Variants in MYLK observed in about 807,000 individuals in gnomAD.
MYLK encodes myosin light chain kinase.
A neutral mutation model predicts 203.4 loss-of-function variants in MYLK; 106 were observed. The ratio of observed to expected loss-of-function variants is 0.52; its 90% CI spans 0.45 to 0.61. The LOEUF (loss-of-function observed/expected upper bound fraction) is 0.61. MYLK is among the 20% of genes least tolerant of loss of function. The pLI is 0.00. For synonymous variants in MYLK, 867 were observed against 959.5 expected (o/e 0.90, Z 1.78); for missense variants, 2,072 against 2,442.3 (o/e 0.85, Z 3.20).
chr3:123,814,360 T>C (rs558863091), intron 3 of MYLK, among the ~76,000 whole-genome samples: 1 of 152,298 alleles, frequency 6.6e-6, no homozygotes, highest in South Asian at 2.1e-4. Context: ...CCTTACTCCT[T>C]TGCTAGACAG....
intron 3 of MYLK, among the ~76,000 whole-genome samples, chr3:123,803,864 C>T (rs1421363430): frequency 2.0e-4 from 30 of 152,370 alleles, no homozygotes; most frequent in South Asian, 4.1e-4. Context: ...AGCTCCTCTG[C>T]TTCTGGCCAG....
chr3:123,870,289 C>A (rs926214885), intron 2 of MYLK, among the ~76,000 whole-genome samples: 1 of 152,226 alleles, frequency 6.6e-6, no homozygotes, highest in Non-Finnish European at 1.5e-5. Context: ...CAGCCTGGGG[C>A]CTGCAGTGAC....
Position 123,707,753 on chromosome 3 carries a change from C to T in MYLK, c.2390+1G>A, listed in dbSNP as rs762794821. ...GAGGCTGGCTGGACATGCAGACTCA[C>T]TTGAGCAGGATCTCATACTGGCCGG... On this transcript the variant is annotated splice_donor_variant, in intron 16 of 33. Coordinates refer to ENST00000360304, the MANE Select transcript of MYLK (RefSeq NM_053025.4). LOFTEE classifies it high-confidence loss of function. The T allele has an allele frequency of 9.3e-6, 15 of 1,614,206 alleles. No homozygotes were observed. In the South Asian group the frequency reaches 1.6e-4, roughly 18 times the overall value.
At chr3:123,798,688 G>A (rs1418103031) in intron 3 of MYLK, among the ~76,000 whole-genome samples, 1 of 152,066 alleles carries the variant, frequency 6.6e-6, no homozygotes, top group African/African-American at 2.4e-5. Context: ...AATACAGCAA[G>A]GGAACATCTA....
At chr3:123,827,774 C>A (rs2066181098) in intron 3 of MYLK, among the ~76,000 whole-genome samples, 2 of 105,336 alleles carry the variant, frequency 1.9e-5, no homozygotes, top group African/African-American at 3.5e-5. Flanking sequence ...AAACTTAGAA[C>A]TGATAAACAA....
intron 9 of MYLK, chr3:123,734,469 T>C: frequency 2.3e-6 from 1 of 436,732 alleles, no homozygotes; most frequent in Non-Finnish European, 4.0e-6. Flanking sequence ...TCCCTACAGT[T>C]CCCTTCTCTA....
intron 2 of MYLK, among the ~76,000 whole-genome samples, chr3:123,862,617 C>T (rs2032016520): frequency 6.6e-6 from 1 of 152,186 alleles, no homozygotes. Context: ...CTTTATGACT[C>T]TTGCTCATGT....
chr3:123,766,246 A>G (rs950303062), intron 4 of MYLK, among the ~76,000 whole-genome samples: 14 of 152,224 alleles, frequency 9.2e-5, no homozygotes, highest in African/African-American at 3.4e-4. Context: ...AAAATTTCCA[A>G]TGAGTTCTCA....
intron 4 of MYLK, among the ~76,000 whole-genome samples, chr3:123,772,330 T>C (rs931044703): frequency 6.6e-6 from 1 of 152,076 alleles, no homozygotes; most frequent in Non-Finnish European, 1.5e-5. Flanking sequence ...TACATAAGAC[T>C]TTAGTATACA....
intron 19 of MYLK, among the ~76,000 whole-genome samples, chr3:123,687,430 C>T (rs746216994): frequency 5.9e-5 from 9 of 152,116 alleles, no homozygotes; most frequent in Non-Finnish European, 1.0e-4. Flanking sequence ...GAGCAGGTGA[C>T]TCAGTCTCTG....
At chr3:123,777,670 G>A (rs1401899720) in intron 4 of MYLK, among the ~76,000 whole-genome samples, 2 of 152,230 alleles carry the variant, frequency 1.3e-5, no homozygotes, top group Non-Finnish European at 1.5e-5. Context: ...TGGGCTGAGG[G>A]TGTGGAGCAG....
At chr3:123,665,062 T>C (rs1252694362) in intron 22 of MYLK, among the ~76,000 whole-genome samples, 2 of 152,218 alleles carry the variant, frequency 1.3e-5, no homozygotes, top group African/African-American at 4.8e-5. Flanking sequence ...TGCACAACCT[T>C]GTGAATCTAC....
At chr3:123,641,517 G>GCAC (rs2058831895) in intron 27 of MYLK, among the ~76,000 whole-genome samples, 1 of 151,474 alleles carries the variant, frequency 6.6e-6, no homozygotes, top group Non-Finnish European at 1.5e-5. Context: ...AAGCCTGGGT[G>GCAC]ACAGAGCAAG....
intron 16 of MYLK, among the ~76,000 whole-genome samples, chr3:123,703,359 C>T (rs568560752): frequency 6.5e-4 from 99 of 152,296 alleles, no homozygotes; most frequent in African/African-American, 2.3e-3. Flanking sequence ...CCAGTGCCCT[C>T]GTGCTGTCCC....
chr3:123,668,511 G>C (rs919065965), intron 20 of MYLK, among the ~76,000 whole-genome samples: 4 of 152,038 alleles, frequency 2.6e-5, no homozygotes, highest in East Asian at 1.9e-4. Context: ...GAGGTAGGGT[G>C]GGGGAGGGGT....
intron 9 of MYLK, 23 bp from the exon 10 acceptor site, chr3:123,734,245 G>GTGGGGT: frequency 4.1e-6 from 2 of 489,708 alleles, no homozygotes; most frequent in Non-Finnish European, 7.4e-6. Context: ...GAGGGTGGGG[G>GTGGGGT]TAGGGTGGGT....
intron 2 of MYLK, among the ~76,000 whole-genome samples, chr3:123,849,852 T>A (rs2030530082): frequency 6.6e-6 from 1 of 152,188 alleles, no homozygotes; most frequent in African/African-American, 2.4e-5. Context: ...CATTAACTCA[T>A]CATTTACATT....
chr3:123,794,631 G>A (rs9846863), intron 3 of MYLK, among the ~76,000 whole-genome samples: 26,827 of 152,106 alleles, frequency 0.18, 3,805 homozygotes, highest in African/African-American at 0.4. Flanking sequence ...TCCAGGGCCT[G>A]CTGGGGACTA....
At chr3:123,738,421 G>A (rs922203831) in intron 7 of MYLK, among the ~76,000 whole-genome samples, 3 of 152,110 alleles carry the variant, frequency 2.0e-5, no homozygotes, top group African/African-American at 7.2e-5. Context: ...CCTGAGAACC[G>A]CCTGAAACAG....
Sources: allele counts gnomAD v4.1 joint callset (sites outside exome capture counted in the v4.1 genomes callset), GRCh38; gene constraint gnomAD v4.1.1; transcripts MANE v1.5; gene names NCBI Gene and HGNC (gene_info 2026-07-23, HGNC 2026-07-21).